The following NPAT variants were observed in gnomAD, a reference collection of about 807,000 sequenced individuals.
NPAT encodes protein NPAT.
In NPAT, 52 loss-of-function variants were observed where a neutral mutation model predicts 130.7. The ratio of observed to expected loss-of-function variants is 0.40; its 90% CI spans 0.32 to 0.50. The LOEUF is 0.50. Among genes scored for constraint, NPAT ranks in the 20% least tolerant of loss-of-function variants. NPAT has a pLI of 0.68. For synonymous variants in NPAT, 580 were observed against 584.8 expected, an observed-to-expected ratio of 0.99 and a Z score of 0.12; for missense variants, 1,687 against 1,662.6, an observed-to-expected ratio of 1.01 and a Z score of -0.26.
chr11:108,196,565 A>T (rs1415743527), intron 2 of NPAT, among the ~76,000 whole-genome samples: 16 of 152,204 alleles, frequency 1.1e-4, no homozygotes, highest in Admixed American at 1.0e-3. Flanking sequence ...ATTTGTACAC[A>T]CAATACAATT....
intron 1 of NPAT, among the ~76,000 whole-genome samples, chr11:108,214,879 C>T (rs1350616992): frequency 2.0e-5 from 3 of 152,024 alleles, no homozygotes; most frequent in South Asian, 2.1e-4. Flanking sequence ...GTGATTTGCC[C>T]GCCTCGGCCT....
chr11:108,206,743 G>T (rs751817826), intron 1 of NPAT, among the ~76,000 whole-genome samples: 3 of 152,180 alleles, frequency 2.0e-5, no homozygotes, highest in African/African-American at 2.4e-5. Flanking sequence ...CCTTTCAGTG[G>T]GTCCCATGTT....
Position 108,186,537 on chromosome 11 carries a change from C to A in NPAT, c.671G>T (p.Gly224Val). 1.9e-6 allele frequency: 3 copies of A among 1,613,966 alleles called. No homozygotes were observed. Among genetic ancestry groups the A allele is most frequent in the Non-Finnish European group, 2.5e-6 (3 of 1,179,936 alleles). ...GAAATTCCGTATTGTTGAATGAGGGCCAGACAAAGTGGTACTTTTTCTCTG... is the reference window on the plus strand; with the variant it reads ...GAAATTCCGTATTGTTGAATGAGGGACAGACAAAGTGGTACTTTTTCTCTG... The part of the protein sequence containing the change: ...ESQRKSTTLS[G>V]PHSTIRNFQD... The change falls in exon 8 of 18, where the codon GGC (glycine) becomes GTC (valine). Residue 224 changes from glycine (G) to valine (V), a missense_variant. Physicochemically the swap from Gly to Val is moderately radical, Grantham distance 109. This residue lies in a region of NPAT where 307 missense variants were observed against 298.9 expected (regional missense o/e 1.03). Coordinates refer to ENST00000278612, the MANE Select transcript of NPAT (RefSeq NM_002519.3).
intron 10 of NPAT, among the ~76,000 whole-genome samples, chr11:108,179,508 G>A (rs1429560145): frequency 6.6e-6 from 1 of 152,170 alleles, no homozygotes; most frequent in African/African-American, 2.4e-5. Flanking sequence ...CCAAAGTGCT[G>A]GGATTACAGG....
At chr11:108,199,766 G>A (rs948611064) in intron 1 of NPAT, among the ~76,000 whole-genome samples, 1 of 152,066 alleles carries the variant, frequency 6.6e-6, no homozygotes, top group African/African-American at 2.4e-5. Flanking sequence ...TAAGGTCCTC[G>A]GGCAACTGAA....
intron 1 of NPAT, among the ~76,000 whole-genome samples, chr11:108,216,196 G>A (rs2078434311): frequency 6.6e-6 from 1 of 152,074 alleles, no homozygotes; most frequent in Non-Finnish European, 1.5e-5. Context: ...TCCTTTTCAT[G>A]GTGGAGTTTC....
chr11:108,167,102 T>C (rs1345049007), intron 15 of NPAT, among the ~76,000 whole-genome samples: 2 of 152,252 alleles, frequency 1.3e-5, no homozygotes, highest in Admixed American at 6.5e-5. Context: ...CTGGCAACTT[T>C]ACTGAATTAT....
chr11:108,159,218 C>T (rs765900505), intron 17 of NPAT, among the ~76,000 whole-genome samples, 199 bp from the exon 18 acceptor site: 10 of 152,090 alleles, frequency 6.6e-5, no homozygotes, highest in Non-Finnish European at 1.5e-4. Context: ...ACTTCAATGG[C>T]ACCTGAATGT....
At chr11:108,195,732 A>G (rs1464036753) in intron 2 of NPAT, among the ~76,000 whole-genome samples, 1 of 152,128 alleles carries the variant, frequency 6.6e-6, no homozygotes. Flanking sequence ...GGCTCATGCA[A>G]TCCTCCAGCC....
At chr11:108,162,629 G>A (rs182770752) in intron 15 of NPAT, among the ~76,000 whole-genome samples, 1 of 152,150 alleles carries the variant, frequency 6.6e-6, no homozygotes, top group Non-Finnish European at 1.5e-5. Flanking sequence ...ATGGGGTTTC[G>A]CCATGTTGGC....
intron 4 of NPAT, 133 bp from the exon 5 acceptor site, chr11:108,190,633 A>AAC (rs1220153330): frequency 3.9e-6 from 3 of 761,778 alleles, no homozygotes; most frequent in East Asian, 5.3e-5. Context: ...AAAAAAGACA[A>AAC]ACACACACAT....
At chr11:108,189,054 T>A (rs2078136643) in intron 6 of NPAT, 52 bp downstream of exon 6, 1 of 1,389,328 alleles carries the variant, frequency 7.2e-7, no homozygotes, top group Non-Finnish European at 1.0e-6. Context: ...TATTATCTCA[T>A]TCATACAATT....
At chr11:108,214,470 T>C (rs1183569819) in intron 1 of NPAT, among the ~76,000 whole-genome samples, 3 of 152,090 alleles carry the variant, frequency 2.0e-5, no homozygotes, top group Non-Finnish European at 4.4e-5. Flanking sequence ...AGTGACTTAA[T>C]AGTATAAGGA....
Position 108,172,759 on chromosome 11 carries a change from A to G in NPAT, c.2225T>C (p.Val742Ala), listed in dbSNP as rs2077965314. 1 of 1,613,638 alleles carries G rather than the reference A, an allele frequency of 6.2e-7. No individual in the cohort carries two copies. The highest frequency in any genetic ancestry group is 8.5e-7 in the Non-Finnish European group (1 of 1,180,020). ...IDASNIVSLK[V>A]IISDDPFVSS... is the part of the protein sequence containing the mutation. ...AACAAATGGATCATCACTAATGATAACTTTGAGAGAGACGATATTTGATGC... is the reference window on the plus strand; with the variant it reads ...AACAAATGGATCATCACTAATGATAGCTTTGAGAGAGACGATATTTGATGC... The change falls in exon 13 of 18, where the codon GTT becomes GCT. Residue 742 changes from valine (V) to alanine (A), a missense_variant. Around this residue, in one of 3 missense-constraint regions of NPAT, gnomAD observed 1,379 missense variants for 1,346.6 expected, o/e 1.02. Transcript: ENST00000278612.
chr11:108,213,871 A>T (rs1339904984), intron 1 of NPAT, among the ~76,000 whole-genome samples: 1 of 152,166 alleles, frequency 6.6e-6, no homozygotes, highest in Non-Finnish European at 1.5e-5. Context: ...TGAAGCATGG[A>T]ATCCAGACAT....
intron 1 of NPAT, among the ~76,000 whole-genome samples, chr11:108,221,855 C>G (rs1322513819): frequency 6.6e-6 from 1 of 152,186 alleles, no homozygotes; most frequent in African/African-American, 2.4e-5. Flanking sequence ...GAAGGTAAAA[C>G]TAGGGCTAGA....
At chr11:108,180,915 C>A (rs1276519643) in intron 10 of NPAT, among the ~76,000 whole-genome samples, 1 of 152,096 alleles carries the variant, frequency 6.6e-6, no homozygotes, top group South Asian at 2.1e-4. Context: ...GGATATTATA[C>A]CAAGTGAAAT....
chr11:108,195,515 G>C (rs1438258921), intron 2 of NPAT, among the ~76,000 whole-genome samples: 1 of 152,148 alleles, frequency 6.6e-6, no homozygotes, highest in Non-Finnish European at 1.5e-5. Flanking sequence ...AGTATCTTCA[G>C]ATCTCTTATC....
In NPAT at chr11:108,187,991, C is replaced by T; in HGVS notation, c.638+107G>A. The T allele has an allele frequency of 3.8e-6, 3 of 796,770 alleles. No individual in the cohort carries two copies. The South Asian group carries it at 4.3e-5, about 11-fold the overall frequency. The allele number at this position is 796,770 out of a possible 1,614,324, so 49.4% of individuals were successfully genotyped here. A position where few individuals can be genotyped will look rare whatever the true frequency, so the allele number is the denominator to read the frequency against. ...GGAATAGTTCTAATATAGATCAGAA[C>T]ATAATCTGGTCCTATTAGTTTATTC... On this transcript the variant is annotated intron_variant, in intron 7 of 17. Coordinates refer to ENST00000278612, the MANE Select transcript of NPAT (RefSeq NM_002519.3).
Sources: allele counts gnomAD v4.1 joint callset (sites outside exome capture counted in the v4.1 genomes callset), GRCh38; gene constraint gnomAD v4.1.1; regional missense constraint gnomAD v4.1.1; transcripts MANE v1.5; gene names NCBI Gene and HGNC (gene_info 2026-07-23, HGNC 2026-07-21).